Variants in LOC400499 observed in about 807,000 individuals in gnomAD.
chr16:11,521,969 A>C, the LOC400499 span: 1 of 399,312 alleles, frequency 2.5e-6, no homozygotes, highest in African/African-American at 2.1e-5. Flanking sequence ...GCCATCTGGC[A>C]CAGGCCAAGC....
chr16:11,385,446 A>G, the LOC400499 span: 19 of 1,225,442 alleles, frequency 1.6e-5, no homozygotes, highest in Non-Finnish European at 1.9e-5. Flanking sequence ...AGGCAGGGTG[A>G]GCGGGGCCAG....
chr16:11,509,801 A>C, the LOC400499 span, among the ~76,000 whole-genome samples: 1 of 152,132 alleles, frequency 6.6e-6, no homozygotes, highest in Non-Finnish European at 1.5e-5. Flanking sequence ...ACTGCACCCC[A>C]GCCTGGGTGA....
At chr16:11,449,881 G>A in the LOC400499 span, among the ~76,000 whole-genome samples, 4 of 152,116 alleles carry the variant, frequency 2.6e-5, no homozygotes, top group Admixed American at 6.5e-5. Context: ...GACACTTGCC[G>A]GCACCTCCAC....
chr16:11,441,074 A>C, the LOC400499 span: 1 of 399,072 alleles, frequency 2.5e-6, no homozygotes, highest in Non-Finnish European at 4.4e-6. Context: ...CTCTGTTCTT[A>C]GCCTGGGTGT....
At chr16:11,468,100 A>G in the LOC400499 span, among the ~76,000 whole-genome samples, 4 of 147,562 alleles carry the variant, frequency 2.7e-5, no homozygotes. Flanking sequence ...GAAAAAAAAA[A>G]CAAAAAACAA....
chr16:11,485,954 G>A, the LOC400499 span, among the ~76,000 whole-genome samples: 11 of 152,194 alleles, frequency 7.2e-5, no homozygotes, highest in East Asian at 1.9e-4. Context: ...CAGATGGGAG[G>A]GTGGGTATGT....
At chr16:11,479,378 C>T in the LOC400499 span, among the ~76,000 whole-genome samples, 2 of 151,474 alleles carry the variant, frequency 1.3e-5, no homozygotes, top group East Asian at 1.9e-4. Flanking sequence ...CTAGGGAGGC[C>T]GAGAAAAGAG....
chr16:11,401,349 G>T, the LOC400499 span: 3 of 399,428 alleles, frequency 7.5e-6, no homozygotes, highest in African/African-American at 2.1e-5. Flanking sequence ...GGGTGAGCCA[G>T]GGCCAGGCGG....
chr16:11,488,300 G>A, the LOC400499 span, among the ~76,000 whole-genome samples: 1 of 152,136 alleles, frequency 6.6e-6, no homozygotes, highest in African/African-American at 2.4e-5. Context: ...TAAGTATTCA[G>A]CTGAATGCCA....
the LOC400499 span, among the ~76,000 whole-genome samples, chr16:11,406,241 G>C: frequency 0.037 from 5,607 of 152,158 alleles, 340 homozygotes; most frequent in African/African-American, 0.12. Flanking sequence ...TCAATGTTTA[G>C]CTCCTGCTTA....
chr16:11,400,725 G>A, the LOC400499 span, among the ~76,000 whole-genome samples: 1 of 152,148 alleles, frequency 6.6e-6, no homozygotes, highest in African/African-American at 2.4e-5. Context: ...ACAGGCATGA[G>A]CCACCACGTC....
At chr16:11,493,442 G>A in the LOC400499 span, among the ~76,000 whole-genome samples, 26 of 152,306 alleles carry the variant, frequency 1.7e-4, no homozygotes, top group East Asian at 4.6e-3. Flanking sequence ...TAATCATATG[G>A]TTGTGTTTTT....
chr16:11,398,624 A>T, the LOC400499 span: 1 of 765,078 alleles, frequency 1.3e-6, no homozygotes, highest in Non-Finnish European at 1.8e-6. Context: ...GTGCCGTCAG[A>T]GCTCTCATCA....
chr16:11,448,997 G>A, the LOC400499 span: 2 of 1,524,356 alleles, frequency 1.3e-6, no homozygotes, highest in Admixed American at 2.0e-5. Flanking sequence ...GGATCTTACG[G>A]TCCCGGCTGT....
At chr16:11,468,654 G>A in the LOC400499 span, among the ~76,000 whole-genome samples, 1 of 152,076 alleles carries the variant, frequency 6.6e-6, no homozygotes, top group Non-Finnish European at 1.5e-5. Context: ...TTGAGACAGA[G>A]TCTCGCTCTG....
At chr16:11,388,382 G>T in the LOC400499 span, among the ~76,000 whole-genome samples, 19 of 152,274 alleles carry the variant, frequency 1.2e-4, no homozygotes, top group East Asian at 3.7e-3. Context: ...CCATGATGTG[G>T]GTTTAGTCCC....
the LOC400499 span, chr16:11,459,901 T>C: frequency 1.2e-5 from 17 of 1,425,606 alleles, no homozygotes; most frequent in Non-Finnish European, 1.5e-5. Flanking sequence ...CTCACCTCCA[T>C]GAAGTGATTG....
the LOC400499 span, chr16:11,456,921 G>A: frequency 1.9e-4 from 291 of 1,536,166 alleles, 1 homozygote; most frequent in African/African-American, 2.3e-4. Flanking sequence ...CACAAACAGC[G>A]GCCGCCCATT....
At chr16:11,495,626 C>T in the LOC400499 span, among the ~76,000 whole-genome samples, 3 of 152,112 alleles carry the variant, frequency 2.0e-5, no homozygotes, top group Non-Finnish European at 4.4e-5. Context: ...GTGATCTGCC[C>T]GCCTCGGTCT....
Sources: allele counts gnomAD v4.1 joint callset (sites outside exome capture counted in the v4.1 genomes callset), GRCh38; gene constraint gnomAD v4.1.1; transcripts MANE v1.5.